OSBPL3: variants seen among roughly 807,000 people sequenced by gnomAD.
OSBPL3 encodes oxysterol-binding protein-related protein 3.
A neutral mutation model predicts 120.1 loss-of-function variants in OSBPL3; 65 were observed. That is an observed-to-expected ratio of 0.54 (90% CI 0.44 to 0.67). OSBPL3 has a LOEUF of 0.67. Among genes scored for constraint, OSBPL3 ranks in the 30% least tolerant of loss-of-function variants. The pLI, the probability that OSBPL3 is intolerant of heterozygous loss-of-function variation, is 0.00. For synonymous variants in OSBPL3, 416 were observed against 402.6 expected, an observed-to-expected ratio of 1.03 and a Z score of -0.40; for missense variants, 1,004 against 1,082.1, an observed-to-expected ratio of 0.93 and a Z score of 1.01.
At chr7:24,902,958 T>TC (rs1807285596) in intron 1 of OSBPL3, among the ~76,000 whole-genome samples, 1 of 152,182 alleles carries the variant, frequency 6.6e-6, no homozygotes, top group Admixed American at 6.5e-5. Flanking sequence ...ATGGACTTTT[T>TC]CCATGTGCAG....
rs1797617632 is a variant in OSBPL3 at position 24,840,562 on chromosome 7, A to T, written c.1495+128T>A. On this transcript the variant is annotated intron_variant, in intron 14 of 22. Coordinates refer to ENST00000313367, the MANE Select transcript of OSBPL3 (RefSeq NM_015550.4). ...ACATCTTTGGGGAGTCAAAAGTTAT[A>T]CATGGATTTTCATCTGCATGGGGTA... The T allele has an allele frequency of 6.4e-6, 3 of 471,708 alleles. No individual in the cohort carries two copies. In the South Asian group the frequency reaches 1.3e-4, roughly 21 times the overall value. The allele number at this position is 471,708 out of a possible 1,614,324, so 29.2% of individuals were successfully genotyped here.
rs537696385 is a variant in OSBPL3, at chr7:24,965,278, C to A, written c.-150+14608G>T. The stretch of plus-strand genomic sequence containing the variant: ...AGCAATAAATCTACAGTAAGAAAAT[C>A]TAGATATAAGTATGAGCTCAACTAT... On this transcript the variant is annotated intron_variant, in intron 1 of 22. Transcript: ENST00000313367. The surrounding 1 kb of genome is among the most constrained non-coding windows in gnomAD (Gnocchi z 4.3). Among the ~76,000 whole-genome samples the A allele has an allele frequency of 1.8e-4, 28 of 152,270 alleles. No individual in the cohort carries two copies. The highest frequency in any genetic ancestry group is 1.6e-3 in the Admixed American group (24 of 15,298).
chr7:24,881,225 CTTCT>C lies in OSBPL3; in HGVS notation c.97-9160_97-9157del, dbSNP rs1173706614. 6.6e-6 allele frequency among the ~76,000 whole-genome samples: 1 copy of C among 152,208 alleles called. No individual in the cohort carries two copies. Among genetic ancestry groups the C allele is most frequent in the African/African-American group, 2.4e-5 (1 of 41,454 alleles). Reference sequence around the variant, plus strand: ...TGGCAGAAGTTTAGCACAATAAACTCTTCTTTATCTTGATCCAAATCAGAAGTGA... The same window carrying C: ...TGGCAGAAGTTTAGCACAATAAACTCTTATCTTGATCCAAATCAGAAGTGA... On this transcript the variant is annotated intron_variant, in intron 2 of 22. Coordinates refer to ENST00000313367, the MANE Select transcript of OSBPL3 (RefSeq NM_015550.4). The surrounding 1 kb of genome is among the most constrained non-coding windows in gnomAD (Gnocchi z 4.3).
At chr7:24,861,089 T>C (rs1053982790) in intron 10 of OSBPL3, among the ~76,000 whole-genome samples, 2 of 152,256 alleles carry the variant, frequency 1.3e-5, no homozygotes, top group Non-Finnish European at 2.9e-5. Context: ...CAGCATTTGA[T>C]ACTATATTTC....
In OSBPL3 at chr7:24,827,168, G is replaced by A. The variant is rs1390484400; in HGVS notation, c.1884+3600C>T. Among the ~76,000 whole-genome samples the A allele has an allele frequency of 2.6e-5, 4 of 152,204 alleles. No individual in the cohort carries two copies. The highest frequency in any genetic ancestry group is 9.7e-5 in the African/African-American group (4 of 41,438). ...TCCAGAAACCTGTACTCATTGTAGAGAGGCACAAGAAAACAAACCTCTAAG... is the reference window on the plus strand; with the variant it reads ...TCCAGAAACCTGTACTCATTGTAGAAAGGCACAAGAAAACAAACCTCTAAG... On this transcript the variant is annotated intron_variant, in intron 16 of 22. Coordinates refer to ENST00000313367, the MANE Select transcript of OSBPL3 (RefSeq NM_015550.4). The surrounding 1 kb of genome is among the most constrained non-coding windows in gnomAD (Gnocchi z 5.1).
At position 24,830,731 on chromosome 7, in the gene OSBPL3, A is replaced by G. The variant is rs759186951; in HGVS notation, c.1884+37T>C. On this transcript the variant is annotated intron_variant, in intron 16 of 22. Coordinates refer to ENST00000313367, the MANE Select transcript of OSBPL3 (RefSeq NM_015550.4). This position sits in a 1 kb window ranked among gnomAD's most constrained non-coding sequence, Gnocchi z 4.4. ...AGCACATTTAATGGGAGACATAAGC[A>G]ACCCCTCCCAACAAGCAAAAAATGG... 23 of 1,573,940 alleles carry G rather than the reference A, an allele frequency of 1.5e-5. No individual in the cohort carries two copies. Among genetic ancestry groups the G allele is most frequent in the Non-Finnish European group, 1.7e-5 (20 of 1,163,052 alleles).
intron 1 of OSBPL3, among the ~76,000 whole-genome samples, chr7:24,954,780 A>G (rs949264489): frequency 2.0e-5 from 3 of 152,238 alleles, no homozygotes; most frequent in Non-Finnish European, 2.9e-5. Flanking sequence ...TAGCAGGAAT[A>G]TGATGACAAA....
At position 24,818,750 on chromosome 7, in the gene OSBPL3, G is replaced by T. The variant is rs188425022; in HGVS notation, c.1948+1425C>A. ...TCTACAATCACAACAAACGGAAATG[G>T]TTTACACAACCTACATAAAAGGCAG... On this transcript the variant is annotated intron_variant, in intron 17 of 22. Transcript: ENST00000313367. The surrounding 1 kb of genome is among the most constrained non-coding windows in gnomAD (Gnocchi z 4.0). Among the ~76,000 whole-genome samples, 1 of 152,234 alleles carries T rather than the reference G, an allele frequency of 6.6e-6. No homozygotes were observed. The highest frequency in any genetic ancestry group is 2.4e-5 in the African/African-American group (1 of 41,534).
rs1231704823 is a variant in OSBPL3, at chr7:24,872,596, T to C, written c.97-527A>G. On this transcript the variant is annotated intron_variant, in intron 2 of 22. Transcript: ENST00000313367. This position sits in a 1 kb window ranked among gnomAD's most constrained non-coding sequence, Gnocchi z 4.1. ...ATAATTATTTTGTTGAAAATCAGCA[T>C]CCACAAATTCTAGGTATTTAAATGT... 6.6e-6 allele frequency among the ~76,000 whole-genome samples: 1 copy of C among 152,050 alleles called. No homozygotes were observed. Among genetic ancestry groups the C allele is most frequent in the African/African-American group, 2.4e-5 (1 of 41,410 alleles).
intron 1 of OSBPL3, among the ~76,000 whole-genome samples, chr7:24,976,152 T>C (rs1427077240): frequency 6.6e-6 from 1 of 152,216 alleles, no homozygotes; most frequent in Non-Finnish European, 1.5e-5. Flanking sequence ...TAGCCTCATC[T>C]GGAGACTGGA....
At position 24,873,313 on chromosome 7, in the gene OSBPL3, G is replaced by A. The variant is rs551285522; in HGVS notation, c.97-1244C>T. ...GGGCACAGAAACCACACAGGGTCCT[G>A]AGTGGCTCTGGCTCAGTTTCTGTGT... On this transcript the variant is annotated intron_variant, in intron 2 of 22. Coordinates refer to ENST00000313367, the MANE Select transcript of OSBPL3 (RefSeq NM_015550.4). The surrounding 1 kb of genome is among the most constrained non-coding windows in gnomAD (Gnocchi z 4.1). Among the ~76,000 whole-genome samples the A allele has an allele frequency of 4.6e-5, 7 of 152,332 alleles. No homozygotes were observed. In the East Asian group the frequency reaches 1.3e-3, roughly 29 times the overall value.
chr7:24,823,989 G>A (rs543475277), intron 16 of OSBPL3, among the ~76,000 whole-genome samples: 2 of 152,288 alleles, frequency 1.3e-5, no homozygotes, highest in Middle Eastern at 3.4e-3. Flanking sequence ...GGCAGTAAAT[G>A]CATTTGTCTG....
chr7:24,897,387 G>A (rs1017484200), intron 1 of OSBPL3, among the ~76,000 whole-genome samples: 2 of 143,614 alleles, frequency 1.4e-5, no homozygotes, highest in African/African-American at 2.6e-5. Flanking sequence ...GTGCAGTGGC[G>A]CGATCTCGGC....
chr7:24,861,831 G>C, intron 9 of OSBPL3, 62 bp from the exon 10 acceptor site: 1 of 1,073,610 alleles, frequency 9.3e-7, no homozygotes, highest in East Asian at 2.7e-5. Context: ...ATATTTACTT[G>C]ATTCTAAGAT....
chr7:24,910,813 G>A (rs754633953), intron 1 of OSBPL3, among the ~76,000 whole-genome samples: 1 of 152,208 alleles, frequency 6.6e-6, no homozygotes, highest in Non-Finnish European at 1.5e-5. Context: ...GGCTTGACTA[G>A]GTAGAGAGAA....
chr7:24,828,662 A>G lies in OSBPL3; in HGVS notation c.1884+2106T>C, dbSNP rs995355863. Among the ~76,000 whole-genome samples, 8 of 150,330 alleles carry G rather than the reference A, an allele frequency of 5.3e-5. No individual in the cohort carries two copies. In the East Asian group the frequency reaches 1.2e-3, roughly 22 times the overall value. On this transcript the variant is annotated intron_variant, in intron 16 of 22. Coordinates refer to ENST00000313367, the MANE Select transcript of OSBPL3 (RefSeq NM_015550.4). The stretch of plus-strand genomic sequence containing the variant: ...GGCATCGTAGAAGTTCCCACTAAAT[A>G]TAAGAGCAATAGCCATTTACTGAAT...
At chr7:24,812,304 C>CAAAAAAAAAAAAAAAAAAAAAA (rs57963279) in intron 19 of OSBPL3, among the ~76,000 whole-genome samples, 1 of 97,048 alleles carries the variant, frequency 1.0e-5, no homozygotes, top group African/African-American at 4.1e-5. Context: ...GACTCCATCT[C>CAAAAAAAAAAAAAAAAAAAAAA]AAAAAAAAAA....
Position 24,896,361 on chromosome 7 carries a change from C to T in OSBPL3, c.-149-3740G>A, listed in dbSNP as rs1350644191. ...CATTGTCTCTCACCACTGCCACCCA[C>T]CTTTGAGAAGCTGATGGGTCAGGAC... is the stretch of plus-strand genomic sequence containing the variant. On this transcript the variant is annotated intron_variant, in intron 1 of 22. Coordinates refer to ENST00000313367, the MANE Select transcript of OSBPL3 (RefSeq NM_015550.4). The surrounding 1 kb of genome is among the most constrained non-coding windows in gnomAD (Gnocchi z 4.4). Among the ~76,000 whole-genome samples, 1 of 152,198 alleles carries T rather than the reference C, an allele frequency of 6.6e-6. No homozygotes were observed. The highest frequency in any genetic ancestry group is 2.4e-5 in the African/African-American group (1 of 41,440).
chr7:24,850,934 T>C (rs1799074844), intron 11 of OSBPL3, among the ~76,000 whole-genome samples: 1 of 152,256 alleles, frequency 6.6e-6, no homozygotes, highest in Admixed American at 6.5e-5. Flanking sequence ...CATTCGGTTT[T>C]ATCTGAAGTT....
Sources: allele counts gnomAD v4.1 joint callset (sites outside exome capture counted in the v4.1 genomes callset), GRCh38; gene constraint gnomAD v4.1.1; non-coding constraint Gnocchi (gnomAD v3.1); transcripts MANE v1.5; gene names NCBI Gene and HGNC (gene_info 2026-07-23, HGNC 2026-07-21).